Variants in PHC2 observed in about 807,000 individuals in gnomAD.
PHC2 encodes the protein polyhomeotic-like protein 2.
Under a neutral mutation model 87.4 loss-of-function variants are expected in PHC2, and 29 were observed. The observed-to-expected ratio is 0.33, with a 90% CI of 0.25 to 0.45. The LOEUF (loss-of-function observed/expected upper bound fraction) is 0.45, where lower values mean the gene tolerates loss of function less well. Ranked by LOEUF, PHC2 falls within the 20% of genes least tolerant of loss-of-function variation. The pLI, the probability that PHC2 is intolerant of heterozygous loss-of-function variation, is 1.00. For synonymous variants in PHC2, 438 were observed against 461.7 expected, an observed-to-expected ratio of 0.95 and a Z score of 0.66; for missense variants, 857 against 1,136.7, an observed-to-expected ratio of 0.75 and a Z score of 3.54.
chr1:33,346,415 C>G, intron 9 of PHC2: 1 of 985,368 alleles, frequency 1.0e-6, no homozygotes, highest in Non-Finnish European at 1.2e-6. Context: ...GAGAAACTAT[C>G]AATTATGAAG....
rs41265891 is a variant in PHC2 at position 33,331,290 on chromosome 1, C to A, written c.2006+58G>T. 107,757 of 920,586 alleles carry A rather than the reference C, an allele frequency of 0.12. 7,543 individuals are homozygous for A. The highest frequency in any genetic ancestry group is 0.26 in the East Asian group (10,258 of 40,210). The allele number at this position is 920,586 out of a possible 1,614,324, so 57.0% of individuals were successfully genotyped here. On this transcript the variant is annotated intron_variant, in intron 12 of 14. Transcript: ENST00000683057. This position sits in a 1 kb window ranked among gnomAD's most constrained non-coding sequence, Gnocchi z 5.2. ...ACCTCCTGGGGTAGACTATTAATGG[C>A]AGGAGGTGGGACATAAAGTGCAGTC... is the stretch of plus-strand genomic sequence containing the variant.
chr1:33,370,563 G>A lies in PHC2; in HGVS notation c.434C>T (p.Ala145Val), dbSNP rs41265897. Residue 145 changes from alanine to valine, a missense_variant, in exon 5 of 15, where the codon GCA becomes GTA. By Grantham distance (64) the Ala-to-Val change is moderately conservative (BLOSUM62 0). This residue lies in a region of PHC2 where 832 missense variants were observed against 1,081.8 expected (regional missense o/e 0.77). Coordinates refer to ENST00000683057, the MANE Select transcript of PHC2 (RefSeq NM_001385109.1). ...GGCCCGGTTGAGGAGCTGGGCTGCT[G>A]CTGGGGAGGCTGCCAGGTTGATCTA... The part of the protein sequence containing the change: ...SSSINLAASP[A>V]AAQLLNRAQS... 48,625 of 1,613,120 alleles carry A rather than the reference G, an allele frequency of 0.03. 866 individuals are homozygous for A. The highest frequency in any genetic ancestry group is 0.035 in the Non-Finnish European group (41,221 of 1,179,216).
intron 1 of PHC2, among the ~76,000 whole-genome samples, chr1:33,390,279 A>T (rs1357227773): frequency 6.6e-6 from 1 of 152,200 alleles, no homozygotes; most frequent in Non-Finnish European, 1.5e-5. Context: ...CTTTTTGCTT[A>T]TTTTTAACTT....
chr1:33,327,705 A>G (rs1646401561), intron 14 of PHC2, among the ~76,000 whole-genome samples: 1 of 152,240 alleles, frequency 6.6e-6, no homozygotes, highest in Non-Finnish European at 1.5e-5. Flanking sequence ...TGCCATGCAT[A>G]TCATGAGAAC....
At chr1:33,427,501 C>T (rs893189796) in intron 1 of PHC2, among the ~76,000 whole-genome samples, 2 of 152,158 alleles carry the variant, frequency 1.3e-5, no homozygotes, top group African/African-American at 4.8e-5. Context: ...AAAAGGTGAT[C>T]CGCATGCTGT....
Position 33,368,406 on chromosome 1 carries a change from C to A in PHC2, c.663+130G>T, listed in dbSNP as rs1425309668. 6.5e-6 allele frequency: 4 copies of A among 612,068 alleles called. No individual in the cohort carries two copies. Among genetic ancestry groups the A allele is most frequent in the Admixed American group, 2.9e-5 (1 of 34,296 alleles). The allele number at this position is 612,068 out of a possible 1,614,324, so 37.9% of individuals were successfully genotyped here. ...CAGGGTAGACGCGCAGGCCTGGGGG[C>A]ATTGGGGTGTCCTGTCTCCCGCCTG... On this transcript the variant is annotated intron_variant, in intron 6 of 14. Coordinates refer to ENST00000683057, the MANE Select transcript of PHC2 (RefSeq NM_001385109.1). The surrounding 1 kb of genome is among the most constrained non-coding windows in gnomAD (Gnocchi z 6.6).
rs776051776 is a variant in PHC2, at chr1:33,328,879, A to C, written c.2416T>G (p.Ser806Ala). Residue 806 changes from serine to alanine, a missense_variant, in exon 14 of 15, where the codon TCT (serine) becomes GCT (alanine). By Grantham distance (99) the Ser-to-Ala change is moderately conservative (BLOSUM62 1). Around this residue, in one of 3 missense-constraint regions of PHC2, gnomAD observed 832 missense variants for 1,081.8 expected, o/e 0.77. Transcript: ENST00000683057. The part of the protein sequence containing the change: ...NVEDVYEFIR[S>A]LPGCQEIAEE... ...TTTCCAAGGGCCTTACCTGGCAGAG[A>C]GCGGATGAATTCGTAGACGTCTTCT... 10 of 1,607,192 alleles carry C rather than the reference A, an allele frequency of 6.2e-6. No homozygotes were observed. In the Admixed American group the frequency reaches 1.7e-4, roughly 27 times the overall value.
At chr1:33,347,346 AG>A in intron 9 of PHC2, 1 of 985,450 alleles carries the variant, frequency 1.0e-6, no homozygotes, top group Non-Finnish European at 1.2e-6. Flanking sequence ...TGAGACCCAC[AG>A]CCAGGAGAAT....
At chr1:33,424,831 T>G (rs1240553689) in intron 1 of PHC2, among the ~76,000 whole-genome samples, 1 of 152,188 alleles carries the variant, frequency 6.6e-6, no homozygotes, top group Non-Finnish European at 1.5e-5. Flanking sequence ...CCAGCCATAA[T>G]AAGGCCCTGG....
chr1:33,332,288 C>T lies in PHC2; in HGVS notation c.1878G>A (p.Glu626=), dbSNP rs2148200720. The change falls in exon 11 of 15, where the codon GAG becomes GAA. Residue 626 remains glutamate, a synonymous_variant. Transcript: ENST00000683057. This position sits in a 1 kb window ranked among gnomAD's most constrained non-coding sequence, Gnocchi z 4.2. ...TGAGATGCCCACCTTGCAGATAGGG[C>T]TCCTCCATCTCCGAGTCAGTGGTGG... ...HTTTTDSEME[E]PYLQESKEEG... 1 of 1,614,048 alleles carries T rather than the reference C, an allele frequency of 6.2e-7. No homozygotes were observed. The highest frequency in any genetic ancestry group is 2.2e-5 in the East Asian group (1 of 44,882).
chr1:33,407,589 C>T (rs1371400011), intron 1 of PHC2, among the ~76,000 whole-genome samples: 3 of 152,102 alleles, frequency 2.0e-5, no homozygotes, highest in Admixed American at 6.6e-5. Context: ...CTGGATTAAA[C>T]AGGGAGGTGG....
intron 8 of PHC2, 52 bp downstream of exon 8, chr1:33,354,786 C>T (rs201711746): frequency 3.6e-5 from 57 of 1,570,314 alleles, no homozygotes; most frequent in South Asian, 1.8e-4. Flanking sequence ...TGGGGTCGTC[C>T]GAGCTGTGGC....
rs1030766600 is a variant in PHC2 at position 33,329,098 on chromosome 1, G to A, written c.2197C>T (p.His733Tyr). The A allele has an allele frequency of 1.2e-6, 2 of 1,614,060 alleles. No homozygotes were observed. The highest frequency in any genetic ancestry group is 1.7e-6 in the Non-Finnish European group (2 of 1,180,048). Residue 733 changes from histidine (H) to tyrosine (Y), a missense_variant, in exon 14 of 15, where the codon CAC becomes TAC. Physicochemically the swap from His to Tyr is moderately conservative, Grantham distance 83 (BLOSUM62 2). Around this residue, in one of 3 missense-constraint regions of PHC2, gnomAD observed 832 missense variants for 1,081.8 expected, o/e 0.77. Coordinates refer to ENST00000683057, the MANE Select transcript of PHC2 (RefSeq NM_001385109.1). The part of the protein sequence containing the change: ...LSVTAALQLT[H>Y]SQEDSSRCSD... ...CAACGGCTGGAGTCTTCCTGGCTGT[G>A]TGTTAGCTGCAAAGCAGCAGTAACC...
intron 1 of PHC2, among the ~76,000 whole-genome samples, chr1:33,393,765 C>T (rs956267199): frequency 3.0e-4 from 5 of 16,920 alleles, no homozygotes; most frequent in Non-Finnish European, 5.6e-4. Flanking sequence ...TTGTGGGTTA[C>T]ATGGGGACAA....
chr1:33,347,778 C>A (rs947267811), intron 9 of PHC2: 1 of 970,866 alleles, frequency 1.0e-6, no homozygotes, highest in Non-Finnish European at 1.2e-6. Context: ...ATGAAGAGTG[C>A]CTGGAAAGGG....
chr1:33,343,468 C>CAAAAAAAAAAAAAAAAAAAAAAAAAAAA (rs71006394), intron 9 of PHC2, among the ~76,000 whole-genome samples: 1 of 59,842 alleles, frequency 1.7e-5, no homozygotes. Flanking sequence ...GACTCTGTCT[C>CAAAAAAAAAAAAAAAAAAAAAAAAAAAA]AAAAAAAAAA....
At chr1:33,395,065 A>G (rs933695241) in intron 1 of PHC2, among the ~76,000 whole-genome samples, 1 of 152,246 alleles carries the variant, frequency 6.6e-6, no homozygotes, top group Non-Finnish European at 1.5e-5. Flanking sequence ...TTCATTCATA[A>G]TAGCCCCCAA....
At chr1:33,361,462 T>A (rs1219421428) in intron 7 of PHC2, among the ~76,000 whole-genome samples, 1 of 152,216 alleles carries the variant, frequency 6.6e-6, no homozygotes, top group South Asian at 2.1e-4. Context: ...TGCCTCAGCC[T>A]CCCAAGTAGC....
intron 1 of PHC2, among the ~76,000 whole-genome samples, chr1:33,427,318 T>C (rs1240616286): frequency 1.3e-5 from 2 of 152,170 alleles, no homozygotes; most frequent in African/African-American, 2.4e-5. Context: ...ATCAAAGCAG[T>C]AAGTTTAAGA....
Sources: gnomAD v4.1 joint callset for allele counts (sites outside exome capture counted in the v4.1 genomes callset) on GRCh38, gnomAD v4.1.1 for gene constraint, gnomAD v4.1.1 regional missense constraint, Gnocchi (gnomAD v3.1) non-coding constraint, MANE v1.5 for transcripts, NCBI Gene and HGNC (gene_info 2026-07-23, HGNC 2026-07-21) for gene names.